Variants in RASAL2 observed in about 807,000 individuals in gnomAD.
The protein encoded by RASAL2 is RAS protein activator like 2, also known as ras GTPase-activating protein nGAP.
Under a neutral mutation model 128.9 loss-of-function variants are expected in RASAL2, and 58 were observed. The observed-to-expected ratio is 0.45, with a 90% CI of 0.36 to 0.56. The LOEUF is 0.56. Ranked by LOEUF, RASAL2 falls within the 20% of genes least tolerant of loss-of-function variation. The probability of loss-of-function intolerance (pLI) is 0.00; values close to 1 mark genes in which losing one functional copy is unlikely to be tolerated. For synonymous variants in RASAL2, 561 were observed against 580.8 expected (o/e 0.97, Z 0.49); for missense variants, 1,360 against 1,601.6 (o/e 0.85, Z 2.57).
intron 1 of RASAL2, among the ~76,000 whole-genome samples, chr1:178,279,477 C>G (rs2102201523): frequency 6.6e-6 from 1 of 152,238 alleles, no homozygotes; most frequent in Non-Finnish European, 1.5e-5. Flanking sequence ...CTTTCCCCCA[C>G]TTTCTTCATC....
rs545653353 is a variant in RASAL2, at chr1:178,325,576, A to G, written c.457+25458A>G. Among the ~76,000 whole-genome samples the G allele has an allele frequency of 1.1e-4, 16 of 152,346 alleles. No homozygotes were observed. In the South Asian group the frequency reaches 3.3e-3, roughly 32 times the overall value. ...TAAGAAGAGAAAAAAATACATTTAA[A>G]AGCAGAATATCATTAGCAGTGCATA... On this transcript the variant is annotated intron_variant, in intron 3 of 17. Transcript: ENST00000367649.
intron 5 of RASAL2, 37 bp downstream of exon 5, chr1:178,420,657 T>C: frequency 6.9e-7 from 1 of 1,459,442 alleles, no homozygotes; most frequent in Non-Finnish European, 9.4e-7. Context: ...AAAAAGCAGT[T>C]TGAGAGTGAA....
chr1:178,333,607 C>T (rs186989939), intron 3 of RASAL2, among the ~76,000 whole-genome samples: 237 of 152,222 alleles, frequency 1.6e-3, no homozygotes, highest in African/African-American at 5.5e-3. Flanking sequence ...ATGTTAGATA[C>T]ATTATTTAGT....
intron 1 of RASAL2, among the ~76,000 whole-genome samples, chr1:178,111,100 A>G (rs915290554): frequency 4.6e-5 from 7 of 152,166 alleles, no homozygotes; most frequent in African/African-American, 1.4e-4. Flanking sequence ...ATGTTGTTGC[A>G]TGTATCAATA....
At chr1:178,382,122 G>A (rs936149718) in intron 3 of RASAL2, among the ~76,000 whole-genome samples, 1 of 152,062 alleles carries the variant, frequency 6.6e-6, no homozygotes, top group African/African-American at 2.4e-5. Flanking sequence ...CCCCACATAG[G>A]TATACTGAAG....
At chr1:178,242,161 G>T (rs920932883) in intron 1 of RASAL2, among the ~76,000 whole-genome samples, 1 of 152,080 alleles carries the variant, frequency 6.6e-6, no homozygotes, top group African/African-American at 2.4e-5. Flanking sequence ...ATGTCAGGTA[G>T]TAAACTCTCC....
chr1:178,106,233 G>T (rs1352120149), intron 1 of RASAL2, among the ~76,000 whole-genome samples: 2 of 152,004 alleles, frequency 1.3e-5, no homozygotes, highest in Non-Finnish European at 2.9e-5. Context: ...CTATCTCCAG[G>T]GTAGTGACTG....
intron 1 of RASAL2, among the ~76,000 whole-genome samples, chr1:178,226,960 C>A (rs1663813633): frequency 6.6e-6 from 1 of 152,044 alleles, no homozygotes; most frequent in African/African-American, 2.4e-5. Context: ...GACAAACAAA[C>A]AAACAAAACC....
intron 3 of RASAL2, among the ~76,000 whole-genome samples, chr1:178,372,740 C>A (rs759070440): frequency 1.3e-5 from 2 of 152,140 alleles, no homozygotes; most frequent in East Asian, 1.9e-4. Context: ...CGAGAAGTAG[C>A]TTTTATGCAA....
At chr1:178,280,420 G>A (rs1666728885) in intron 1 of RASAL2, among the ~76,000 whole-genome samples, 1 of 151,938 alleles carries the variant, frequency 6.6e-6, no homozygotes, top group Admixed American at 6.6e-5. Context: ...CAGTAGGAGT[G>A]TTATTGTTAA....
At chr1:178,229,544 T>C (rs777170240) in intron 1 of RASAL2, among the ~76,000 whole-genome samples, 4 of 151,692 alleles carry the variant, frequency 2.6e-5, no homozygotes, top group Non-Finnish European at 2.9e-5. Context: ...AGGCTATGCA[T>C]TTTTTTTGCA....
At position 178,242,423 on chromosome 1, in the gene RASAL2, TTCTCTCTCTCTCTCTCTCTCTCTCTCTC is replaced by T. The variant is rs58914415; in HGVS notation, c.203-41109_203-41082del. 6.9e-3 allele frequency among the ~76,000 whole-genome samples: 588 copies of T among 85,264 alleles called. 14 individuals carry two copies. Among genetic ancestry groups the T allele is most frequent in the African/African-American group, 0.021 (473 of 22,848 alleles). 55.9% of individuals were successfully genotyped at this position (85,264 alleles called of 152,430 possible). A position where few individuals can be genotyped will look rare whatever the true frequency, so the allele number is the denominator to read the frequency against. ...TGCTAATGACAATTTTTATAATTCA[TTCTCTCTCTCTCTCTCTCTCTCTCTCTC>T]TCTCTCTCTCTCTCTCTCTCTCTCT... On this transcript the variant is annotated intron_variant, in intron 1 of 17. Coordinates refer to ENST00000367649, the MANE Select transcript of RASAL2 (RefSeq NM_170692.4).
intron 5 of RASAL2, among the ~76,000 whole-genome samples, chr1:178,433,431 G>A (rs1439339258): frequency 6.6e-6 from 1 of 152,068 alleles, no homozygotes; most frequent in African/African-American, 2.4e-5. Flanking sequence ...AATTGTGTGT[G>A]AGTACACAGA....
At chr1:178,416,462 CA>C (rs1263660849) in intron 4 of RASAL2, among the ~76,000 whole-genome samples, 2 of 151,868 alleles carry the variant, frequency 1.3e-5, no homozygotes, top group East Asian at 3.9e-4. Flanking sequence ...CATAAGCATA[CA>C]TAATTAAATA....
At chr1:178,353,671 A>C (rs1176559610) in intron 3 of RASAL2, among the ~76,000 whole-genome samples, 1 of 152,240 alleles carries the variant, frequency 6.6e-6, no homozygotes, top group Non-Finnish European at 1.5e-5. Context: ...ACTCTTCAGT[A>C]CTAATTTTTT....
intron 1 of RASAL2, among the ~76,000 whole-genome samples, chr1:178,164,960 A>G (rs1661471477): frequency 6.6e-6 from 1 of 151,976 alleles, no homozygotes; most frequent in African/African-American, 2.4e-5. Flanking sequence ...ACTTTATAAC[A>G]CTAAAAAATA....
chr1:178,461,826 A>C (rs1678220226), intron 14 of RASAL2, among the ~76,000 whole-genome samples: 1 of 152,226 alleles, frequency 6.6e-6, no homozygotes, highest in African/African-American at 2.4e-5. Flanking sequence ...ATTTCACACT[A>C]TGAAGCTGAA....
chr1:178,403,156 ATTAACAGGAACTGAAGT>A (rs1673760554), intron 4 of RASAL2, among the ~76,000 whole-genome samples: 1 of 152,218 alleles, frequency 6.6e-6, no homozygotes, highest in Non-Finnish European at 1.5e-5. Flanking sequence ...TATACGCCTC[ATTAACAGGAACTGAAGT>A]GTTCTACAGA....
At chr1:178,454,188 C>T (rs1572103939) in intron 11 of RASAL2, among the ~76,000 whole-genome samples, 1 of 136,958 alleles carries the variant, frequency 7.3e-6, no homozygotes, top group Non-Finnish European at 1.5e-5. Flanking sequence ...AAATTTAAAT[C>T]CCAGAACTAA....
Sources: allele counts gnomAD v4.1 joint callset (sites outside exome capture counted in the v4.1 genomes callset), GRCh38; gene constraint gnomAD v4.1.1; transcripts MANE v1.5; gene names NCBI Gene and HGNC (gene_info 2026-07-23, HGNC 2026-07-21).